Variants in FERMT2 observed in about 807,000 individuals in gnomAD.
FERMT2 encodes the protein fermitin family homolog 2.
In FERMT2, 15 loss-of-function variants were observed where a neutral mutation model predicts 82.7. The ratio of observed to expected loss-of-function variants is 0.18; its 90% confidence interval spans 0.12 to 0.28. The LOEUF (loss-of-function observed/expected upper bound fraction) is 0.28, where lower values mean the gene tolerates loss of function less well. Among genes scored for constraint, FERMT2 ranks in the 10% least tolerant of loss-of-function variants. The pLI, the probability that FERMT2 is intolerant of heterozygous loss-of-function variation, is 1.00. For synonymous variants in FERMT2, 274 were observed against 271.5 expected (o/e 1.01, Z -0.09); for missense variants, 645 against 809.4 (o/e 0.80, Z 2.46).
intron 6 of FERMT2, 133 bp downstream of exon 6, chr14:52,880,903 G>C (rs1886256230): frequency 3.5e-6 from 2 of 564,616 alleles, no homozygotes; most frequent in Non-Finnish European, 6.1e-6. Flanking sequence ...CTAAAAGTTT[G>C]GGTTTTTAAT....
At chr14:52,902,640 G>T (rs933129512) in intron 3 of FERMT2, among the ~76,000 whole-genome samples, 19 of 151,170 alleles carry the variant, frequency 1.3e-4, no homozygotes, top group African/African-American at 4.1e-4. Flanking sequence ...AGGCCGAGGC[G>T]GGTGGATTAC....
chr14:52,945,001 G>C (rs1890264111), intron 2 of FERMT2, among the ~76,000 whole-genome samples: 1 of 151,934 alleles, frequency 6.6e-6, no homozygotes, highest in Non-Finnish European at 1.5e-5. Flanking sequence ...CCCAGCTTCA[G>C]GCAATCCTCC....
chr14:52,870,751 T>C (rs1323179029), intron 10 of FERMT2, among the ~76,000 whole-genome samples: 1 of 152,206 alleles, frequency 6.6e-6, no homozygotes, highest in African/African-American at 2.4e-5. Context: ...GTTCACACAA[T>C]GACAAAATCA....
intron 3 of FERMT2, among the ~76,000 whole-genome samples, chr14:52,908,105 A>G (rs1480923650): frequency 6.6e-6 from 1 of 152,218 alleles, no homozygotes; most frequent in Non-Finnish European, 1.5e-5. Context: ...GCTCAACATC[A>G]TTAGTCACTA....
intron 2 of FERMT2, among the ~76,000 whole-genome samples, chr14:52,946,082 G>T (rs1373051671): frequency 2.6e-5 from 4 of 151,938 alleles, no homozygotes; most frequent in Admixed American, 2.6e-4. Flanking sequence ...TCACCATATT[G>T]GCCAGGCTGG....
At chr14:52,896,418 T>G (rs574834977) in intron 3 of FERMT2, among the ~76,000 whole-genome samples, 1 of 152,306 alleles carries the variant, frequency 6.6e-6, no homozygotes, top group South Asian at 2.1e-4. Flanking sequence ...GCTTTTTGTT[T>G]GTAGGGGACC....
At chr14:52,879,473 G>A (rs1886167544) in intron 6 of FERMT2, among the ~76,000 whole-genome samples, 1 of 152,018 alleles carries the variant, frequency 6.6e-6, no homozygotes, top group Non-Finnish European at 1.5e-5. Flanking sequence ...CTTAGCTTTT[G>A]GAGCATTCTA....
At chr14:52,873,688 C>T (rs1252823569) in intron 9 of FERMT2, 1 of 152,568 alleles carries the variant, frequency 6.6e-6, no homozygotes, top group Non-Finnish European at 1.5e-5. Context: ...TCCTCTCTGC[C>T]TTAATGCCGA....
At chr14:52,938,376 T>C (rs1889944708) in intron 2 of FERMT2, among the ~76,000 whole-genome samples, 1 of 152,230 alleles carries the variant, frequency 6.6e-6, no homozygotes, top group African/African-American at 2.4e-5. Flanking sequence ...GCTCTTAGTA[T>C]AGTCATTCTA....
chr14:52,902,413 A>AG (rs981157399), intron 3 of FERMT2, among the ~76,000 whole-genome samples: 32 of 151,448 alleles, frequency 2.1e-4, no homozygotes, highest in Non-Finnish European at 4.0e-4. Flanking sequence ...ACAAAAAAAA[A>AG]AGAGAGAGAG....
chr14:52,900,808 C>T (rs544216166), intron 3 of FERMT2, among the ~76,000 whole-genome samples: 46 of 152,252 alleles, frequency 3.0e-4, no homozygotes, highest in African/African-American at 1.1e-3. Flanking sequence ...TCCACAGACA[C>T]ACACCCTTTA....
chr14:52,920,595 T>A (rs1456826415), intron 2 of FERMT2, among the ~76,000 whole-genome samples: 5 of 151,840 alleles, frequency 3.3e-5, no homozygotes, highest in African/African-American at 1.2e-4. Flanking sequence ...GATGTGAAAC[T>A]ACATTCCAGC....
intron 6 of FERMT2, among the ~76,000 whole-genome samples, chr14:52,880,695 G>A (rs1045771787): frequency 1.3e-5 from 2 of 151,946 alleles, no homozygotes; most frequent in African/African-American, 4.8e-5. Context: ...ACTGCACCCG[G>A]CCTAAACTTT....
chr14:52,918,399 T>C (rs1888747041), intron 3 of FERMT2, among the ~76,000 whole-genome samples: 4 of 152,184 alleles, frequency 2.6e-5, no homozygotes, highest in Admixed American at 2.6e-4. Context: ...ATTGATTCTT[T>C]TACAACAGAG....
At chr14:52,864,352 A>G (rs766248457) in intron 12 of FERMT2, 49 bp downstream of exon 12, 1 of 1,421,498 alleles carries the variant, frequency 7.0e-7, no homozygotes, top group South Asian at 1.2e-5. Context: ...TATGTACAAA[A>G]TTATAAAAAC....
chr14:52,906,876 A>C (rs1036912396), intron 3 of FERMT2, among the ~76,000 whole-genome samples: 6 of 145,000 alleles, frequency 4.1e-5, no homozygotes, highest in Non-Finnish European at 7.6e-5. Context: ...GACAGAAAAC[A>C]TACAGAGGAA....
At chr14:52,861,093 GA>G in intron 12 of FERMT2, 4 of 1,422,734 alleles carry the variant, frequency 2.8e-6, no homozygotes, top group Admixed American at 3.0e-5. Context: ...AAGGCAATCA[GA>G]AAAAATGGCA....
In FERMT2 at chr14:52,913,742, A is replaced by G. The variant is rs141383786; in HGVS notation, c.391+5381T>C. On this transcript the variant is annotated intron_variant, in intron 3 of 14. Transcript: ENST00000341590. ...GAAAGACCAACCACCCACTACAGATATATTTAGGAAGGTGGAGCAGTGTTA... is the reference window on the plus strand; with the variant it reads ...GAAAGACCAACCACCCACTACAGATGTATTTAGGAAGGTGGAGCAGTGTTA... Among the ~76,000 whole-genome samples the G allele has an allele frequency of 5.4e-3, 786 of 146,528 alleles. 6 individuals are homozygous for G. The highest frequency in any genetic ancestry group is 0.018 in the African/African-American group (734 of 39,742).
intron 3 of FERMT2, among the ~76,000 whole-genome samples, chr14:52,905,615 A>C (rs537066242): frequency 1.3e-5 from 2 of 152,272 alleles, no homozygotes; most frequent in East Asian, 3.9e-4. Context: ...GACAAAATGA[A>C]CATTTCGAGG....
Sources: allele counts gnomAD v4.1 joint callset (sites outside exome capture counted in the v4.1 genomes callset), GRCh38; gene constraint gnomAD v4.1.1; transcripts MANE v1.5; gene names NCBI Gene and HGNC (gene_info 2026-07-23, HGNC 2026-07-21).